CNTN3: variants seen among roughly 807,000 people sequenced by gnomAD.
CNTN3 encodes contactin-3.
Under a neutral mutation model 119.1 loss-of-function variants are expected in CNTN3, and 60 were observed. That is an observed-to-expected ratio of 0.50 (90% CI 0.41 to 0.62). CNTN3 has a LOEUF of 0.62. Among genes scored for constraint, CNTN3 ranks in the 20% least tolerant of loss-of-function variants. The probability of loss-of-function intolerance (pLI) is 0.00; values close to 1 mark genes in which losing one functional copy is unlikely to be tolerated. For synonymous variants in CNTN3, 450 were observed against 438.7 expected (o/e 1.03, Z -0.32); for missense variants, 1,101 against 1,242.4 (o/e 0.89, Z 1.71).
chr3:74,369,921 C>T lies in CNTN3; in HGVS notation c.729G>A (p.Ser243=), dbSNP rs776282929. The T allele has an allele frequency of 1.3e-5, 21 of 1,607,706 alleles. No homozygotes were observed. Among genetic ancestry groups the T allele is most frequent in the African/African-American group, 4.0e-5 (3 of 74,518 alleles). ...FPETLPAAKG[S]TVKLECFALG... is the part of the protein sequence containing the mutation. Reference sequence around the variant, plus strand: ...GGGCAAAACATTCCAATTTCACAGTCGAACCTTTAGCTGCTGGAAGAGTTT... The same window carrying T: ...GGGCAAAACATTCCAATTTCACAGTTGAACCTTTAGCTGCTGGAAGAGTTT... The change falls in exon 7 of 23, where the codon TCG becomes TCA. Residue 243 remains serine (S), a synonymous_variant. Transcript: ENST00000263665.
intron 5 of CNTN3, among the ~76,000 whole-genome samples, chr3:74,407,910 T>C (rs554484812): frequency 1.3e-5 from 2 of 152,322 alleles, no homozygotes; most frequent in Admixed American, 6.5e-5. Flanking sequence ...TTCTCTCTCC[T>C]GTATGATAGG....
chr3:74,297,901 T>C, intron 18 of CNTN3, 56 bp downstream of exon 18: 1 of 1,377,168 alleles, frequency 7.3e-7, no homozygotes, highest in Non-Finnish European at 1.0e-6. Flanking sequence ...AATCAGTTTT[T>C]GGAGCACAAA....
At chr3:74,352,500 G>C (rs922129126) in intron 11 of CNTN3, among the ~76,000 whole-genome samples, 9 of 152,074 alleles carry the variant, frequency 5.9e-5, no homozygotes, top group African/African-American at 2.2e-4. Context: ...CCAGTTTGTT[G>C]AATAACTTCC....
chr3:74,561,962 T>C lies in CNTN3; in HGVS notation c.-80-40770A>G, dbSNP rs894554303. On this transcript the variant is annotated intron_variant, in intron 1 of 22. Coordinates refer to ENST00000263665, the MANE Select transcript of CNTN3 (RefSeq NM_020872.3). The stretch of plus-strand genomic sequence containing the variant: ...TATTTCACAAATAAGAAAGGTTGCA[T>C]TGGATTTAGCATTCAAAACACAGGT... Among the ~76,000 whole-genome samples, 8 of 152,178 alleles carry C rather than the reference T, an allele frequency of 5.3e-5. No homozygotes were observed. In the South Asian group the frequency reaches 1.0e-3, roughly 20 times the overall value.
intron 20 of CNTN3, among the ~76,000 whole-genome samples, chr3:74,281,820 G>A (rs1702017783): frequency 6.6e-6 from 1 of 152,102 alleles, no homozygotes; most frequent in African/African-American, 2.4e-5. Context: ...TAAATGGGTT[G>A]GAAGGAGAAC....
intron 4 of CNTN3, among the ~76,000 whole-genome samples, chr3:74,476,691 C>A (rs533456434): frequency 4.0e-5 from 6 of 151,890 alleles, no homozygotes; most frequent in Non-Finnish European, 7.4e-5. Context: ...AGAGAGGGGT[C>A]AAATAATCAG....
At chr3:74,537,164 G>T (rs1392410282) in intron 1 of CNTN3, among the ~76,000 whole-genome samples, 1 of 152,038 alleles carries the variant, frequency 6.6e-6, no homozygotes, top group South Asian at 2.1e-4. Flanking sequence ...CCCCTTCAAA[G>T]AAAAATATGC....
chr3:74,273,541 C>G (rs966085311), intron 20 of CNTN3, among the ~76,000 whole-genome samples: 1 of 152,198 alleles, frequency 6.6e-6, no homozygotes, highest in Non-Finnish European at 1.5e-5. Flanking sequence ...CATACCCCCA[C>G]TGGGGAAACT....
intron 4 of CNTN3, among the ~76,000 whole-genome samples, chr3:74,426,767 AACT>A (rs1382538051): frequency 6.6e-6 from 1 of 152,208 alleles, no homozygotes; most frequent in African/African-American, 2.4e-5. Context: ...CTTGGAATGT[AACT>A]AACTGAGTTA....
intron 5 of CNTN3, among the ~76,000 whole-genome samples, chr3:74,408,708 T>A (rs899109714): frequency 1.2e-4 from 18 of 152,128 alleles, no homozygotes; most frequent in African/African-American, 4.3e-4. Context: ...TGGAATCTTC[T>A]ATGCAGCTTT....
At chr3:74,306,178 A>T (rs1336673191) in intron 13 of CNTN3, among the ~76,000 whole-genome samples, 1 of 146,488 alleles carries the variant, frequency 6.8e-6, no homozygotes, top group Non-Finnish European at 1.5e-5. Context: ...GTTAGTCATG[A>T]ATTAAATGTG....
chr3:74,426,467 C>T (rs116178641), intron 4 of CNTN3, among the ~76,000 whole-genome samples: 2,161 of 152,130 alleles, frequency 0.014, 55 homozygotes, highest in African/African-American at 0.05. Flanking sequence ...AAAACCAGAA[C>T]CTGTAGACAC....
chr3:74,527,749 G>A lies in CNTN3; in HGVS notation c.-80-6557C>T, dbSNP rs144237284. On this transcript the variant is annotated intron_variant, in intron 1 of 22. Coordinates refer to ENST00000263665, the MANE Select transcript of CNTN3 (RefSeq NM_020872.3). ...CTCAAATTAACTTGGCCAATTCCAC[G>A]TCACACTGCTTTACAAGCCTCTCCG... Among the ~76,000 whole-genome samples, 331 of 151,942 alleles carry A rather than the reference G, an allele frequency of 2.2e-3. 3 individuals carry two copies. The highest frequency in any genetic ancestry group is 7.5e-3 in the African/African-American group (311 of 41,514).
intron 20 of CNTN3, among the ~76,000 whole-genome samples, chr3:74,280,306 T>C (rs1266594535): frequency 6.6e-6 from 1 of 152,236 alleles, no homozygotes; most frequent in Non-Finnish European, 1.5e-5. Flanking sequence ...GATTGTATCA[T>C]TTGGCATTCT....
intron 5 of CNTN3, among the ~76,000 whole-genome samples, chr3:74,412,049 A>G (rs1446301525): frequency 6.6e-6 from 1 of 152,224 alleles, no homozygotes; most frequent in Non-Finnish European, 1.5e-5. Flanking sequence ...ACTTATAGCT[A>G]CAATAGAATT....
chr3:74,521,447 T>C (rs556672333), intron 1 of CNTN3, among the ~76,000 whole-genome samples: 5 of 151,190 alleles, frequency 3.3e-5, no homozygotes, highest in South Asian at 4.2e-4. Flanking sequence ...TAAATTTTAA[T>C]ATATTAATTA....
intron 4 of CNTN3, among the ~76,000 whole-genome samples, chr3:74,462,253 TA>T (rs2106977201): frequency 6.6e-6 from 1 of 152,200 alleles, no homozygotes; most frequent in East Asian, 1.9e-4. Context: ...ATAAGCCAAT[TA>T]AACATCTTTT....
At chr3:74,392,953 G>C (rs1704952258) in intron 5 of CNTN3, among the ~76,000 whole-genome samples, 1 of 94,456 alleles carries the variant, frequency 1.1e-5, no homozygotes. Context: ...AATTTGGTTT[G>C]GGTATTTTTT....
At chr3:74,510,854 C>A (rs533237085) in intron 2 of CNTN3, among the ~76,000 whole-genome samples, 2 of 152,176 alleles carry the variant, frequency 1.3e-5, no homozygotes, top group South Asian at 2.1e-4. Flanking sequence ...AAATCAGTCA[C>A]CTGCTGGCTG....
Sources: gnomAD v4.1 joint callset for allele counts (sites outside exome capture counted in the v4.1 genomes callset) on GRCh38, gnomAD v4.1.1 for gene constraint, MANE v1.5 for transcripts, NCBI Gene and HGNC (gene_info 2026-07-23, HGNC 2026-07-21) for gene names.